The following KDM2B variants were observed in gnomAD, a reference collection of about 807,000 sequenced individuals.
KDM2B encodes the protein lysine demethylase 2B.
In KDM2B, 26 loss-of-function variants were observed where a neutral mutation model predicts 150.0. The observed-to-expected ratio is 0.17, with a 90% CI of 0.13 to 0.24. The LOEUF (loss-of-function observed/expected upper bound fraction) is 0.24. Ranked by LOEUF, KDM2B falls within the 10% of genes least tolerant of loss-of-function variation. The pLI, the probability that KDM2B is intolerant of heterozygous loss-of-function variation, is 1.00. For synonymous variants in KDM2B, 734 were observed against 729.5 expected, an observed-to-expected ratio of 1.01 and a Z score of -0.10; for missense variants, 1,265 against 1,816.9, an observed-to-expected ratio of 0.70 and a Z score of 5.52.
chr12:121,554,033 C>CCACACACACACA lies in KDM2B; in HGVS notation c.398-4407_398-4396dup, dbSNP rs56659514. 4.6e-3 allele frequency among the ~76,000 whole-genome samples: 561 copies of CCACACACACACA among 122,130 alleles called. 7 individuals are homozygous for CCACACACACACA. The highest frequency in any genetic ancestry group is 6.4e-3 in the Admixed American group (71 of 11,142). 80.1% of individuals were successfully genotyped at this position (122,130 alleles called of 152,430 possible). ...TGGGTAATATAGTGACACCCCAGCT[C>CCACACACACACA]CACACACACACACACACACACACAC... On this transcript the variant is annotated intron_variant, in intron 4 of 22. Transcript: ENST00000377071.
chr12:121,422,294 A>G, the KDM2B span, among the ~76,000 whole-genome samples: 1 of 152,156 alleles, frequency 6.6e-6, no homozygotes. Flanking sequence ...CATCTTTCCT[A>G]GCTTGACTGG....
rs957875930 is a variant in KDM2B, at chr12:121,543,217, G to A, written c.683+5660C>T. Among the ~76,000 whole-genome samples, 27 of 152,106 alleles carry A rather than the reference G, an allele frequency of 1.8e-4. 1 individual carries two copies. The highest frequency in any genetic ancestry group is 6.5e-4 in the African/African-American group (27 of 41,420). On this transcript the variant is annotated intron_variant, in intron 6 of 22. Transcript: ENST00000377071. ...CTAAAAATACAAAAATTAGCTGGGT[G>A]TAATGGCGGGAGCCTGTAATCCCAG...
intron 12 of KDM2B, among the ~76,000 whole-genome samples, chr12:121,488,003 G>A (rs1555299225): frequency 6.6e-6 from 1 of 151,820 alleles, no homozygotes; most frequent in Non-Finnish European, 1.5e-5. Context: ...GGCTAGTCTC[G>A]AACTCCTGAC....
chr12:121,450,877 G>A (rs1295528683), intron 13 of KDM2B, among the ~76,000 whole-genome samples: 1 of 151,604 alleles, frequency 6.6e-6, no homozygotes, highest in Non-Finnish European at 1.5e-5. Context: ...AAAAGAGGAA[G>A]AAACAGGAAC....
chr12:121,543,350 T>C (rs1888754643), intron 6 of KDM2B, among the ~76,000 whole-genome samples: 1 of 151,810 alleles, frequency 6.6e-6, no homozygotes, highest in Non-Finnish European at 1.5e-5. Context: ...AGTGAAACTC[T>C]TTCTCAAAAA....
At position 121,443,992 on chromosome 12, in the gene KDM2B, C is replaced by T. The variant is rs782690155; in HGVS notation, c.2451+20G>A. 96 of 1,587,646 alleles carry T rather than the reference C, an allele frequency of 6.0e-5. No individual in the cohort carries two copies. Among genetic ancestry groups the T allele is most frequent in the Non-Finnish European group, 8.0e-5 (93 of 1,164,622 alleles). On this transcript the variant is annotated intron_variant, in intron 16 of 22. Transcript: ENST00000377071. ...CAGCCAGACCAACCCCTTTGCCTCCCAGCCCCTCCTGGTCCGTACCCGCTT... is the reference window on the plus strand; with the variant it reads ...CAGCCAGACCAACCCCTTTGCCTCCTAGCCCCTCCTGGTCCGTACCCGCTT...
chr12:121,469,256 G>T (rs1880473744), intron 12 of KDM2B: 1 of 151,396 alleles, frequency 6.6e-6, no homozygotes, highest in Admixed American at 6.6e-5. Flanking sequence ...ACAAGCAAAA[G>T]AATACACCCT....
intron 12 of KDM2B, among the ~76,000 whole-genome samples, chr12:121,458,870 A>T (rs1878689337): frequency 1.3e-5 from 2 of 151,890 alleles, no homozygotes; most frequent in African/African-American, 4.8e-5. Flanking sequence ...GGCAGATCAC[A>T]AGATCAACAG....
rs1208298309 is a variant in KDM2B, at chr12:121,452,681, G to A, written c.1959+439C>T. Among the ~76,000 whole-genome samples the A allele has an allele frequency of 2.0e-5, 3 of 152,266 alleles. No homozygotes were observed. The highest frequency in any genetic ancestry group is 4.4e-5 in the Non-Finnish European group (3 of 68,046). ...CGGAGCTGAGGCCAGGCGGTGTGGA[G>A]GGGCGGGCCAGGCTCTCCCGGGCGC... On this transcript the variant is annotated intron_variant, in intron 13 of 22. Transcript: ENST00000377071. This position sits in a 1 kb window ranked among gnomAD's most constrained non-coding sequence, Gnocchi z 4.4.
chr12:121,539,326 C>CAAAA (rs60048517), intron 6 of KDM2B, among the ~76,000 whole-genome samples: 117 of 58,462 alleles, frequency 2.0e-3, no homozygotes, highest in South Asian at 4.2e-3. Context: ...GACCCTCTCC[C>CAAAA]AAAAAAAAAA....
intron 11 of KDM2B, among the ~76,000 whole-genome samples, chr12:121,509,111 T>A (rs782187519): frequency 3.3e-5 from 5 of 151,984 alleles, no homozygotes; most frequent in Non-Finnish European, 7.4e-5. Flanking sequence ...CAGGCTGGAG[T>A]GCAGTGGTGC....
intron 22 of KDM2B, among the ~76,000 whole-genome samples, chr12:121,433,458 G>A (rs559086230): frequency 4.6e-5 from 7 of 152,328 alleles, no homozygotes; most frequent in Admixed American, 2.0e-4. Context: ...GGGCTCAAGT[G>A]ATCCTCCCAC....
At chr12:121,438,031 A>G (rs1021925782) in intron 22 of KDM2B, among the ~76,000 whole-genome samples, 3 of 152,058 alleles carry the variant, frequency 2.0e-5, no homozygotes, top group African/African-American at 7.2e-5. Flanking sequence ...AGGTGGGTGG[A>G]TCACCTGAGG....
At chr12:121,569,822 T>C (rs1381719851) in intron 4 of KDM2B, among the ~76,000 whole-genome samples, 1 of 145,296 alleles carries the variant, frequency 6.9e-6, no homozygotes, top group Non-Finnish European at 1.5e-5. Context: ...TGCTTTCTTT[T>C]TTCTTTTCTT....
In KDM2B at chr12:121,431,162, G is replaced by A. The variant is rs141141531; in HGVS notation, c.3830-693C>T. ...CTTTTTTTTTTTGAGACAGAGTCTC[G>A]CTTTTGTCACCCAGGCTGGAGTGCA... On this transcript the variant is annotated intron_variant, in intron 22 of 22. Coordinates refer to ENST00000377071, the MANE Select transcript of KDM2B (RefSeq NM_032590.5). 4.7e-3 allele frequency among the ~76,000 whole-genome samples: 704 copies of A among 151,378 alleles called. 3 individuals carry two copies. Among genetic ancestry groups the A allele is most frequent in the African/African-American group, 0.015 (630 of 41,218 alleles).
intron 12 of KDM2B, among the ~76,000 whole-genome samples, chr12:121,466,473 C>A (rs1555294795): frequency 6.6e-6 from 1 of 152,144 alleles, no homozygotes; most frequent in Non-Finnish European, 1.5e-5. Flanking sequence ...CCTTCTGAAT[C>A]CACCGAGGCC....
intron 6 of KDM2B, among the ~76,000 whole-genome samples, chr12:121,548,491 G>A (rs1889237099): frequency 6.6e-6 from 1 of 152,192 alleles, no homozygotes; most frequent in African/African-American, 2.4e-5. Context: ...AGCATCCAAT[G>A]TGGGCAGGTC....
At chr12:121,437,993 C>A (rs550580609) in intron 22 of KDM2B, among the ~76,000 whole-genome samples, 2 of 151,988 alleles carry the variant, frequency 1.3e-5, no homozygotes, top group Non-Finnish European at 2.9e-5. Flanking sequence ...GTGGCACACG[C>A]CTGTAATCCC....
Position 121,439,380 on chromosome 12 carries a change from C to CT in KDM2B, c.3829+476dup, listed in dbSNP as rs530764831. Among the ~76,000 whole-genome samples the CT allele has an allele frequency of 6.6e-3, 856 of 129,564 alleles. 11 individuals are homozygous for CT. Among genetic ancestry groups the CT allele is most frequent in the African/African-American group, 0.014 (510 of 36,360 alleles). The allele number at this position is 129,564 out of a possible 152,430, so 85.0% of individuals were successfully genotyped here. A position where few individuals can be genotyped will look rare whatever the true frequency, so the allele number is the denominator to read the frequency against. ...GCAATTACTACAACTCCAATGGTAACTTTTTTTTTTTTTTTTTTTGAGACA... is the reference window on the plus strand; with the variant it reads ...GCAATTACTACAACTCCAATGGTAACTTTTTTTTTTTTTTTTTTTTGAGACA... On this transcript the variant is annotated intron_variant, in intron 22 of 22. Coordinates refer to ENST00000377071, the MANE Select transcript of KDM2B (RefSeq NM_032590.5).
Sources: gnomAD v4.1 joint callset for allele counts (sites outside exome capture counted in the v4.1 genomes callset) on GRCh38, gnomAD v4.1.1 for gene constraint, Gnocchi (gnomAD v3.1) non-coding constraint, MANE v1.5 for transcripts, NCBI Gene and HGNC (gene_info 2026-07-23, HGNC 2026-07-21) for gene names.